Variants in ESRRG observed in about 807,000 individuals in gnomAD.
The protein encoded by ESRRG is estrogen-related receptor gamma.
A neutral mutation model predicts 44.0 loss-of-function variants in ESRRG; 13 were observed. The observed-to-expected ratio is 0.30, with a 90% CI of 0.19 to 0.47. ESRRG has a LOEUF of 0.47. ESRRG is among the 20% of genes least tolerant of loss of function. The pLI, the probability that ESRRG is intolerant of heterozygous loss-of-function variation, is 1.00. For missense variants in ESRRG, 395 were observed against 580.6 expected, an observed-to-expected ratio of 0.68 and a Z score of 3.29; for synonymous variants, 215 against 214.6, an observed-to-expected ratio of 1.00 and a Z score of -0.02.
chr1:216,875,835 G>A (rs1484155713), intron 2 of ESRRG, among the ~76,000 whole-genome samples: 1 of 151,462 alleles, frequency 6.6e-6, no homozygotes, highest in African/African-American at 2.4e-5. Context: ...CATACTACCA[G>A]TTTTCCAGAG....
At chr1:216,752,513 G>A (rs1251470575) in intron 2 of ESRRG, among the ~76,000 whole-genome samples, 1 of 152,038 alleles carries the variant, frequency 6.6e-6, no homozygotes, top group Non-Finnish European at 1.5e-5. Flanking sequence ...AAGCAAACAG[G>A]AGAAACATAC....
At chr1:216,707,233 CA>C in intron 1 of ESRRG, 1 of 1,059,742 alleles carries the variant, frequency 9.4e-7, no homozygotes, top group Non-Finnish European at 1.3e-6. Flanking sequence ...TCTTTAAAAG[CA>C]TTTTTTTTTC....
chr1:217,059,101 G>A (rs2087798535), intron 1 of ESRRG, among the ~76,000 whole-genome samples: 1 of 149,480 alleles, frequency 6.7e-6, no homozygotes, highest in African/African-American at 2.4e-5. Flanking sequence ...TCAAACCTGA[G>A]TGTGATCCAG....
intron 2 of ESRRG, among the ~76,000 whole-genome samples, chr1:216,667,706 A>G (rs796310404): frequency 2.0e-4 from 30 of 150,178 alleles, no homozygotes; most frequent in African/African-American, 7.1e-4. Flanking sequence ...AAAAAAAAAA[A>G]AAAGATAGAA....
chr1:216,859,524 T>C (rs61815648), intron 2 of ESRRG, among the ~76,000 whole-genome samples: 23,818 of 152,122 alleles, frequency 0.16, 2,254 homozygotes, highest in South Asian at 0.22. Context: ...AAGGAAACTA[T>C]TGAAGGCTGG....
chr1:216,838,475 G>A (rs2095602589), intron 2 of ESRRG, among the ~76,000 whole-genome samples: 1 of 152,144 alleles, frequency 6.6e-6, no homozygotes, highest in Admixed American at 6.5e-5. Flanking sequence ...GGACACATGG[G>A]TAAGACATTC....
chr1:216,631,561 C>A (rs2064183424), intron 3 of ESRRG, among the ~76,000 whole-genome samples: 1 of 152,090 alleles, frequency 6.6e-6, no homozygotes, highest in Non-Finnish European at 1.5e-5. Context: ...TTCCTTTGGT[C>A]CCTCTCCAAT....
intron 2 of ESRRG, among the ~76,000 whole-genome samples, chr1:216,744,120 A>C (rs561293456): frequency 7.2e-5 from 11 of 152,248 alleles, no homozygotes; most frequent in African/African-American, 2.4e-4. Context: ...AAGAGAACAA[A>C]GCCATAGAGT....
chr1:216,877,384 T>G (rs1388167734), intron 2 of ESRRG, among the ~76,000 whole-genome samples: 5 of 47,338 alleles, frequency 1.1e-4, no homozygotes, highest in Non-Finnish European at 1.8e-4. Context: ...ATGGTGTTTT[T>G]TTTTGTTTGT....
rs145466994 is a variant in ESRRG, at chr1:216,995,759, T to C, written c.-105-56086A>G. Among the ~76,000 whole-genome samples the C allele has an allele frequency of 1.5e-3, 228 of 152,350 alleles. 3 individuals are homozygous for C. The highest frequency in any genetic ancestry group is 5.3e-3 in the African/African-American group (221 of 41,580). On this transcript the variant is annotated intron_variant, in intron 1 of 7. Transcript: ENST00000359162. ...TAGTAATATCTAGATTGTAATAATA[T>C]GAATAAATAAATGAGGTCAGAATTT... is the stretch of plus-strand genomic sequence containing the variant.
Position 216,581,503 on chromosome 1 carries a change from C to T in ESRRG, c.590-13405G>A, listed in dbSNP as rs905032755. 2.0e-5 allele frequency among the ~76,000 whole-genome samples: 3 copies of T among 152,096 alleles called. No individual in the cohort carries two copies. In the South Asian group the frequency reaches 6.2e-4, roughly 32 times the overall value. Reference sequence around the variant, plus strand: ...CGATTCTGTGAGAATTATTCATTTGCACAAGTTTCCCTCCCAAAAGAACCC... The same window carrying T: ...CGATTCTGTGAGAATTATTCATTTGTACAAGTTTCCCTCCCAAAAGAACCC... On this transcript the variant is annotated intron_variant, in intron 3 of 6. Coordinates refer to ENST00000408911, the MANE Select transcript of ESRRG (RefSeq NM_001438.4).
intron 1 of ESRRG, among the ~76,000 whole-genome samples, chr1:217,095,071 A>T (rs1172400027): frequency 6.6e-6 from 1 of 152,126 alleles, no homozygotes; most frequent in Admixed American, 6.5e-5. Flanking sequence ...TCAAGAAAAG[A>T]TCCATAACTT....
chr1:216,909,442 G>A (rs934727166), intron 2 of ESRRG, among the ~76,000 whole-genome samples: 11 of 152,004 alleles, frequency 7.2e-5, no homozygotes, highest in Non-Finnish European at 1.5e-4. Flanking sequence ...ACATCATAAG[G>A]TACACTAAAC....
chr1:216,931,578 C>G (rs1448518117), intron 2 of ESRRG, among the ~76,000 whole-genome samples: 1 of 152,002 alleles, frequency 6.6e-6, no homozygotes, highest in Non-Finnish European at 1.5e-5. Flanking sequence ...ACCAGCTGCA[C>G]CCCGCCTCCC....
intron 1 of ESRRG, among the ~76,000 whole-genome samples, chr1:217,105,745 G>C (rs747726244): frequency 6.6e-6 from 1 of 152,118 alleles, no homozygotes; most frequent in African/African-American, 2.4e-5. Context: ...TGGACAATCA[G>C]CCTAGCACCT....
At position 216,678,265 on chromosome 1, in the gene ESRRG, G is replaced by A. The variant is rs191641585; in HGVS notation, c.57-774C>T. Among the ~76,000 whole-genome samples the A allele has an allele frequency of 5.3e-5, 8 of 152,210 alleles. No individual in the cohort carries two copies. The East Asian group carries it at 1.4e-3, about 26-fold the overall frequency. The stretch of plus-strand genomic sequence containing the variant: ...ATCACCAACATTCATTAATAAATAC[G>A]TGCATGTGTTTCTTATGTGTGATTT... On this transcript the variant is annotated intron_variant, in intron 1 of 6. Coordinates refer to ENST00000408911, the MANE Select transcript of ESRRG (RefSeq NM_001438.4).
chr1:216,756,525 C>G (rs964302472), intron 2 of ESRRG, among the ~76,000 whole-genome samples: 2 of 151,990 alleles, frequency 1.3e-5, no homozygotes, highest in African/African-American at 4.8e-5. Flanking sequence ...TTTTTTCTCT[C>G]TTTGACAGAT....
Position 216,519,354 on chromosome 1 carries a change from G to GATCAAAAT in ESRRG, c.922_929dup (p.Leu311PhefsTer2). The GATCAAAAT allele has an allele frequency of 6.2e-7, 1 of 1,613,556 alleles. No homozygotes were observed. The highest frequency in any genetic ancestry group is 8.5e-7 in the Non-Finnish European group (1 of 1,179,730). On this transcript the variant is annotated stop_gained and frameshift_variant, in exon 6 of 7. Coordinates refer to ENST00000408911, the MANE Select transcript of ESRRG (RefSeq NM_001438.4). LOFTEE classifies it high-confidence loss of function. ...AAAGAGACCGGTATACGACACCAAG[G>GATCAAAAT]ATCAAAATTTCCATCCAAGCACTCT... is the stretch of plus-strand genomic sequence containing the variant.
intron 1 of ESRRG, among the ~76,000 whole-genome samples, chr1:217,128,530 A>G (rs2092919889): frequency 6.6e-6 from 1 of 152,164 alleles, no homozygotes. Context: ...CAGCTCCTTA[A>G]TGTTATTTAA....
Sources: gnomAD v4.1 joint callset for allele counts (sites outside exome capture counted in the v4.1 genomes callset) on GRCh38, gnomAD v4.1.1 for gene constraint, MANE v1.5 for transcripts, NCBI Gene and HGNC (gene_info 2026-07-23, HGNC 2026-07-21) for gene names.